The following ANKDD1A variants were observed in gnomAD, a reference collection of about 807,000 sequenced individuals.
The protein encoded by ANKDD1A is ankyrin repeat and death domain containing 1A.
A neutral mutation model predicts 63.5 loss-of-function variants in ANKDD1A; 59 were observed. That is an observed-to-expected ratio of 0.93 (90% CI 0.75 to 1.15). The LOEUF (loss-of-function observed/expected upper bound fraction) is 1.15. ANKDD1A is among the 50% of genes most tolerant of loss of function. ANKDD1A has a pLI of 0.00. For synonymous variants in ANKDD1A, 266 were observed against 263.9 expected, an observed-to-expected ratio of 1.01 and a Z score of -0.08; for missense variants, 632 against 656.4, an observed-to-expected ratio of 0.96 and a Z score of 0.41.
intron 14 of ANKDD1A, among the ~76,000 whole-genome samples, chr15:64,952,380 T>A (rs2085306590): frequency 6.0e-5 from 1 of 16,534 alleles, no homozygotes; most frequent in African/African-American, 8.8e-5. Flanking sequence ...TCTTCCTCTT[T>A]CCTTCTTTTC....
At chr15:64,955,735 A>C (rs1279885986) in intron 14 of ANKDD1A, among the ~76,000 whole-genome samples, 1 of 152,162 alleles carries the variant, frequency 6.6e-6, no homozygotes, top group African/African-American at 2.4e-5. Flanking sequence ...ACTGGAAAGG[A>C]GATAAAATAA....
At chr15:64,952,676 T>TC (rs2085316926) in intron 14 of ANKDD1A, among the ~76,000 whole-genome samples, 10 of 149,984 alleles carry the variant, frequency 6.7e-5, no homozygotes, top group African/African-American at 2.0e-4. Flanking sequence ...TCTTCCTTCT[T>TC]CTTCTTCCTC....
chr15:64,956,680 G>A (rs1446358962), intron 14 of ANKDD1A, among the ~76,000 whole-genome samples: 3 of 152,028 alleles, frequency 2.0e-5, no homozygotes, highest in Admixed American at 2.0e-4. Context: ...CTCAGTCTCC[G>A]GAGTAGCTGG....
At chr15:64,951,937 CTTT>C (rs201067831) in intron 14 of ANKDD1A, among the ~76,000 whole-genome samples, 10 of 132,628 alleles carry the variant, frequency 7.5e-5, no homozygotes, top group Non-Finnish European at 1.1e-4. Flanking sequence ...TTCTTCCTTT[CTTT>C]TCTTCTTCTT....
chr15:64,955,259 T>C (rs1319951118), intron 14 of ANKDD1A, among the ~76,000 whole-genome samples: 2 of 152,142 alleles, frequency 1.3e-5, no homozygotes, highest in Non-Finnish European at 2.9e-5. Flanking sequence ...TTCACTGTGT[T>C]AGCCAGGATG....
chr15:64,930,302 C>T (rs960907093), intron 6 of ANKDD1A, among the ~76,000 whole-genome samples: 1 of 151,866 alleles, frequency 6.6e-6, no homozygotes, highest in African/African-American at 2.4e-5. Flanking sequence ...AAGCACTCAG[C>T]CAGTGACAGA....
chr15:64,953,604 T>TCC (rs2085349077), intron 14 of ANKDD1A, among the ~76,000 whole-genome samples: 4 of 71,062 alleles, frequency 5.6e-5, no homozygotes, highest in South Asian at 6.3e-4. Flanking sequence ...CCTTTTCTTC[T>TCC]TTCTTCTCTC....
At position 64,953,422 on chromosome 15, in the gene ANKDD1A, TCTTCTTCCTCCTC is replaced by T. The variant is rs2085339417; in HGVS notation, c.1483+3455_1483+3467del. On this transcript the variant is annotated intron_variant, in intron 14 of 14. Coordinates refer to ENST00000319580, the MANE Select transcript of ANKDD1A (RefSeq NM_182703.6). The stretch of plus-strand genomic sequence containing the variant: ...TCCTTTTCTTCTCCTCCTCCTCCCT[TCTTCTTCCTCCTC>T]CTTCCTTTTCTTCTTTCTTCTCTCC... 1.7e-4 allele frequency among the ~76,000 whole-genome samples: 5 copies of T among 30,078 alleles called. No individual in the cohort carries two copies. The East Asian group carries it at 0.027, about 165-fold the overall frequency. The allele number at this position is 30,078 out of a possible 152,430, so 19.7% of individuals were successfully genotyped here.
chr15:64,943,557 G>A lies in ANKDD1A; in HGVS notation c.1040G>A (p.Gly347Glu), dbSNP rs2085201324. Residue 347 changes from glycine (G) to glutamate (E), a missense_variant, in exon 11 of 15, where the codon GGG becomes GAG. Physicochemically the swap from Gly to Glu is moderately conservative, Grantham distance 98. Coordinates refer to ENST00000319580, the MANE Select transcript of ANKDD1A (RefSeq NM_182703.6). The part of the protein sequence containing the change: ...QDIADMLLIA[G>E]VDLNLRDKQG... ...ATAGCAGATATGCTCCTCATTGCTG[G>A]GGTTGACTTAAACCTGAGAGATAAG... The A allele has an allele frequency of 1.2e-6, 2 of 1,614,024 alleles. No homozygotes were observed. The highest frequency in any genetic ancestry group is 2.2e-5 in the South Asian group (2 of 91,086).
In ANKDD1A at chr15:64,934,192, G is replaced by C. The variant is rs763449711; in HGVS notation, c.825G>C (p.Arg275=). 1.7e-5 allele frequency: 27 copies of C among 1,612,346 alleles called. No individual in the cohort carries two copies. The highest frequency in any genetic ancestry group is 2.2e-5 in the Non-Finnish European group (26 of 1,179,238). ...AALSGSEDVS[R]VLIHAGGCAN... is the part of the protein sequence containing the mutation. ...TCAGTGGCTCGGAGGATGTGTCTCG[G>C]GTCCTCATCCACGCAGGAGGCTGCG... The change falls in exon 9 of 15, where the codon CGG becomes CGC. Residue 275 remains arginine (R), a synonymous_variant. Transcript: ENST00000319580.
intron 14 of ANKDD1A, among the ~76,000 whole-genome samples, chr15:64,953,875 C>CTTT (rs1555397929): frequency 8.4e-5 from 11 of 130,586 alleles, no homozygotes; most frequent in South Asian, 2.4e-4. Context: ...CTTTCTTCTT[C>CTTT]ATTCTTTCTT....
chr15:64,925,858 A>C (rs2085042524), intron 4 of ANKDD1A, among the ~76,000 whole-genome samples: 1 of 151,918 alleles, frequency 6.6e-6, no homozygotes. Flanking sequence ...CTGGGATTTG[A>C]ATTTTGGCAT....
At chr15:64,951,333 T>C (rs991341937) in intron 14 of ANKDD1A, 16,425 of 663,622 alleles carry the variant, frequency 0.025, 193 homozygotes, top group Admixed American at 0.075. Context: ...CTTTCCTCTT[T>C]TTCTTTCTTC....
At chr15:64,941,726 G>T (rs75598731) in intron 9 of ANKDD1A, among the ~76,000 whole-genome samples, 3,031 of 152,178 alleles carry the variant, frequency 0.02, 112 homozygotes, top group South Asian at 0.12. Context: ...TATTCCACAG[G>T]ATGTGTGTCA....
intron 5 of ANKDD1A, 111 bp downstream of exon 5, chr15:64,926,281 C>A: frequency 9.3e-7 from 1 of 1,075,178 alleles, no homozygotes; most frequent in Non-Finnish European, 1.4e-6. Flanking sequence ...GATCTGTGGG[C>A]ATATTGCACC....
chr15:64,952,248 C>A (rs376480723), intron 14 of ANKDD1A, among the ~76,000 whole-genome samples: 4 of 143,516 alleles, frequency 2.8e-5, no homozygotes, highest in African/African-American at 1.0e-4. Flanking sequence ...TCTTCTTATT[C>A]TTCTCCTTCT....
At chr15:64,922,235 G>A (rs1174390197) in intron 4 of ANKDD1A, 3 of 553,996 alleles carry the variant, frequency 5.4e-6, no homozygotes, top group African/African-American at 1.9e-5. Context: ...TTACAAGAGA[G>A]AAATCAAAGT....
intron 14 of ANKDD1A, among the ~76,000 whole-genome samples, chr15:64,952,900 TTCCTTCTCTTCTTC>T (rs1162383020): frequency 2.9e-5 from 3 of 102,682 alleles, no homozygotes; most frequent in Non-Finnish European, 6.9e-5. Flanking sequence ...TTCCTTCTCC[TTCCTTCTCTTCTTC>T]TCCTTCTTCT....
In ANKDD1A at chr15:64,949,956, C is replaced by G; in HGVS notation, c.1467C>G (p.Gly489=). 6.2e-7 allele frequency: 1 copy of G among 1,610,054 alleles called. No individual in the cohort carries two copies. The highest frequency in any genetic ancestry group is 8.5e-7 in the Non-Finnish European group (1 of 1,179,960). The change falls in exon 14 of 15, where the codon GGC becomes GGG. Residue 489 remains glycine (G), a synonymous_variant. Coordinates refer to ENST00000319580, the MANE Select transcript of ANKDD1A (RefSeq NM_182703.6). ...KALFEGLVAI[G]RRDLAGWSTM... Reference sequence around the variant, plus strand: ...TGTTCGAGGGCCTCGTGGCCATTGGCAGGAGGGACCTGGCTGGTAAGAGCG... The same window carrying G: ...TGTTCGAGGGCCTCGTGGCCATTGGGAGGAGGGACCTGGCTGGTAAGAGCG...
Sources: gnomAD v4.1 joint callset for allele counts (sites outside exome capture counted in the v4.1 genomes callset) on GRCh38, gnomAD v4.1.1 for gene constraint, MANE v1.5 for transcripts, NCBI Gene and HGNC (gene_info 2026-07-23, HGNC 2026-07-21) for gene names.